The following MEGF8 variants were observed in gnomAD, a reference collection of about 807,000 sequenced individuals.
MEGF8 encodes multiple EGF like domains 8.
Under a neutral mutation model 302.9 loss-of-function variants are expected in MEGF8, and 156 were observed. That is an observed-to-expected ratio of 0.52 (90% CI 0.45 to 0.59). The LOEUF (loss-of-function observed/expected upper bound fraction) is 0.59, where lower values mean the gene tolerates loss of function less well. MEGF8 is among the 20% of genes least tolerant of loss of function. MEGF8 has a pLI of 0.00. For missense variants in MEGF8, 3,345 were observed against 3,964.5 expected (o/e 0.84, Z 4.20); for synonymous variants, 1,621 against 1,660.5 (o/e 0.98, Z 0.58).
chr19:42,326,147 A>G lies in MEGF8; in HGVS notation c.-97A>G, dbSNP rs2038980484. The stretch of plus-strand genomic sequence containing the variant: ...CGATCTACAAGGTCATGTTATGCCT[A>G]TAGAGGTCGCATTTGCAGGGCCTCA... On this transcript the variant is annotated 5_prime_UTR_variant, in exon 1 of 42. Coordinates refer to ENST00000251268, the MANE Select transcript of MEGF8 (RefSeq NM_001271938.2). 11 of 1,395,274 alleles carry G rather than the reference A, an allele frequency of 7.9e-6. No individual in the cohort carries two copies. Among genetic ancestry groups the G allele is most frequent in the Non-Finnish European group, 1.0e-5 (11 of 1,078,384 alleles). The allele number at this position is 1,395,274 out of a possible 1,614,324, so 86.4% of individuals were successfully genotyped here.
Position 42,336,710 on chromosome 19 carries a change from A to C in MEGF8, c.1245-97A>C. 6.7e-7 allele frequency: 1 copy of C among 1,486,656 alleles called. No individual in the cohort carries two copies. The highest frequency in any genetic ancestry group is 9.0e-7 in the Non-Finnish European group (1 of 1,111,606). 92.1% of individuals were successfully genotyped at this position (1,486,656 alleles called of 1,614,324 possible). A position where few individuals can be genotyped will look rare whatever the true frequency, so the allele number is the denominator to read the frequency against. On this transcript the variant is annotated intron_variant, in intron 6 of 41. Transcript: ENST00000251268. The surrounding 1 kb of genome is among the most constrained non-coding windows in gnomAD (Gnocchi z 4.8). ...AGGGGACATAGAGTCAGTCATGGCC[A>C]GTCTCATCCCTGGGTGATCACATGG... is the stretch of plus-strand genomic sequence containing the variant.
chr19:42,348,886 C>T (rs530567015), intron 13 of MEGF8, among the ~76,000 whole-genome samples: 3 of 152,348 alleles, frequency 2.0e-5, no homozygotes, highest in South Asian at 4.1e-4. Context: ...CAGGCGTAAG[C>T]CACTGCGCCT....
chr19:42,370,342 T>C lies in MEGF8; in HGVS notation c.6988T>C (p.Ser2330Pro), dbSNP rs1386766514. ...GTCCAAGGGAGAGCCAAAGAAGTAC[T>C]CACTGGACCCAGAGGAGGTGAAAGA... ...QMSKGEPKKYSLDPEEIENWV... is the reference protein window; with the variant it reads ...QMSKGEPKKYPLDPEEIENWV... Residue 2330 changes from serine to proline, a missense_variant, in exon 39 of 42, where the codon TCA becomes CCA. Coordinates refer to ENST00000251268, the MANE Select transcript of MEGF8 (RefSeq NM_001271938.2). 1 of 1,586,256 alleles carries C rather than the reference T, an allele frequency of 6.3e-7. No homozygotes were observed. The highest frequency in any genetic ancestry group is 1.8e-5 in the Admixed American group (1 of 54,568).
chr19:42,351,725 G>A lies in MEGF8; in HGVS notation c.3065G>A (p.Gly1022Asp). 1 of 1,589,938 alleles carries A rather than the reference G, an allele frequency of 6.3e-7. No homozygotes were observed. Among genetic ancestry groups the A allele is most frequent in the Non-Finnish European group, 8.6e-7 (1 of 1,168,962 alleles). The change falls in exon 18 of 42, where the codon GGC becomes GAC. Residue 1022 changes from glycine (G) to aspartate (D), a missense_variant. By Grantham distance (94) the Gly-to-Asp change is moderately conservative (BLOSUM62 -1). Coordinates refer to ENST00000251268, the MANE Select transcript of MEGF8 (RefSeq NM_001271938.2). The surrounding 1 kb of genome is among the most constrained non-coding windows in gnomAD (Gnocchi z 5.6). ...GAGTGTCTGCAGAGCCACGAGTGTGGCTGGTGTGGCAATGAGGACAACCCC... is the reference window on the plus strand; with the variant it reads ...GAGTGTCTGCAGAGCCACGAGTGTGACTGGTGTGGCAATGAGGACAACCCC... ...CHECLQSHEC[G>D]WCGNEDNPTL...
intron 1 of MEGF8, among the ~76,000 whole-genome samples, chr19:42,331,242 G>C (rs1384400903): frequency 2.0e-5 from 3 of 152,214 alleles, no homozygotes; most frequent in Admixed American, 2.0e-4. Context: ...GGCTCAGAGA[G>C]CCCATGGAAC....
Position 42,335,065 on chromosome 19 carries a change from T to C in MEGF8, c.589T>C (p.Phe197Leu). 6.2e-7 allele frequency: 1 copy of C among 1,613,672 alleles called. No individual in the cohort carries two copies. Among genetic ancestry groups the C allele is most frequent in the Non-Finnish European group, 8.5e-7 (1 of 1,179,780 alleles). Residue 197 changes from phenylalanine (F) to leucine (L), a missense_variant, in exon 4 of 42, where the codon TTC becomes CTC. Physicochemically the swap from Phe to Leu is conservative, Grantham distance 22. Transcript: ENST00000251268. ...PLGPCRCEPG[F>L]LGRACDLHLW... is the part of the protein sequence containing the mutation. ...GGGACCATGCCGCTGTGAGCCTGGC[T>C]TCTTGGGACGTGCCTGTGACCTGCA... is the stretch of plus-strand genomic sequence containing the variant.
Position 42,368,482 on chromosome 19 carries a change from C to G in MEGF8, c.6301C>G (p.Arg2101Gly), listed in dbSNP as rs2147506322. The change falls in exon 36 of 42, where the codon CGA becomes GGA. Residue 2101 changes from arginine (R) to glycine (G), a missense_variant. Physicochemically the swap from Arg to Gly is moderately radical, Grantham distance 125. Transcript: ENST00000251268. This position sits in a 1 kb window ranked among gnomAD's most constrained non-coding sequence, Gnocchi z 4.9. ...QCLSPSYLPL[R>G]CMAGGCGRLL... The stretch of plus-strand genomic sequence containing the variant: ...TCTGAGCCCTTCCTACCTGCCCCTG[C>G]GATGTATGGCCGGAGGCTGTGGGCG... 1 of 1,609,564 alleles carries G rather than the reference C, an allele frequency of 6.2e-7. No individual in the cohort carries two copies. The highest frequency in any genetic ancestry group is 8.5e-7 in the Non-Finnish European group (1 of 1,178,582).
Position 42,353,799 on chromosome 19 carries a change from G to A in MEGF8, c.3786G>A (p.Glu1262=), listed in dbSNP as rs1306625154. ...DPRAGGSCFR[E]CGGRALLTNV... ...GGGCCGGTGGTTCCTGCTTTCGGGA[G>A]TGTGGGGGTCGCGCCCTCCTCACCA... Residue 1262 remains glutamate (E), a synonymous_variant, in exon 22 of 42, where the codon GAG becomes GAA. Coordinates refer to ENST00000251268, the MANE Select transcript of MEGF8 (RefSeq NM_001271938.2). This position sits in a 1 kb window ranked among gnomAD's most constrained non-coding sequence, Gnocchi z 6.1. 5 of 1,606,050 alleles carry A rather than the reference G, an allele frequency of 3.1e-6. No homozygotes were observed. Among genetic ancestry groups the A allele is most frequent in the Non-Finnish European group, 4.3e-6 (5 of 1,174,372 alleles).
chr19:42,370,481 T>A (rs1251147059), intron 39 of MEGF8, 122 bp downstream of exon 39: 3 of 989,508 alleles, frequency 3.0e-6, no homozygotes, highest in Non-Finnish European at 2.9e-6. Context: ...GCTGGAGGCC[T>A]GGATTCCTGG....
Position 42,352,574 on chromosome 19 carries a change from C to A in MEGF8, c.3350+118C>A. On this transcript the variant is annotated intron_variant, in intron 19 of 41. Transcript: ENST00000251268. The surrounding 1 kb of genome is among the most constrained non-coding windows in gnomAD (Gnocchi z 4.4). ...CTGTGGAACCAGCATCCCCAGTTAG[C>A]CAGGGGTTTTTACCTTGCACACTAG... The A allele has an allele frequency of 1.5e-6, 2 of 1,343,628 alleles. No individual in the cohort carries two copies. Among genetic ancestry groups the A allele is most frequent in the Non-Finnish European group, 2.0e-6 (2 of 1,000,186 alleles). 83.2% of individuals were successfully genotyped at this position (1,343,628 alleles called of 1,614,324 possible).
In MEGF8 at chr19:42,359,125, G is replaced by T. The variant is rs370106282; in HGVS notation, c.5371G>T (p.Ala1791Ser). Residue 1791 changes from alanine to serine, a missense_variant, in exon 31 of 42, where the codon GCC (alanine) becomes TCC (serine). Transcript: ENST00000251268. ...CCGCCCCCGGCTTTTCCACGCCTCA[G>T]CCCTGTTAGGGGACACCATGGTGGT... ...EPRPRLFHAS[A>S]LLGDTMVVLG... 129 of 1,551,624 alleles carry T rather than the reference G, an allele frequency of 8.3e-5. No individual in the cohort carries two copies. Among genetic ancestry groups the T allele is most frequent in the Non-Finnish European group, 9.7e-5 (111 of 1,148,748 alleles).
chr19:42,348,447 C>G lies in MEGF8; in HGVS notation c.2273C>G (p.Ala758Gly). The change falls in exon 13 of 42, where the codon GCC (alanine) becomes GGC (glycine). Residue 758 changes from alanine to glycine, a missense_variant. Coordinates refer to ENST00000251268, the MANE Select transcript of MEGF8 (RefSeq NM_001271938.2). ...AQRLHVLARMARGPDTENMEE... is the reference protein window; with the variant it reads ...AQRLHVLARMGRGPDTENMEE... ...CGCCTACACGTCCTGGCCCGGATGG[C>G]CCGTGGCCCTGACACGGAGAACATG... The G allele has an allele frequency of 3.9e-6, 6 of 1,525,688 alleles. No individual in the cohort carries two copies. The highest frequency in any genetic ancestry group is 5.3e-6 in the Non-Finnish European group (6 of 1,138,464). 94.5% of individuals were successfully genotyped at this position (1,525,688 alleles called of 1,614,324 possible).
rs2039512293 is a variant in MEGF8, at chr19:42,360,294, C to G, written c.5489-481C>G. Among the ~76,000 whole-genome samples, 3 of 148,174 alleles carry G rather than the reference C, an allele frequency of 2.0e-5. No individual in the cohort carries two copies. The South Asian group carries it at 6.4e-4, about 32-fold the overall frequency. On this transcript the variant is annotated intron_variant, in intron 31 of 41. Transcript: ENST00000251268. ...TGTCTGCTTGTGTCTCTCTCCCTCT[C>G]TTTTTTTTTGCTTGCTGTCTATCCT...
rs2039318273 is a variant in MEGF8, at chr19:42,348,256, A to G, written c.2098-16A>G. On this transcript the variant is annotated splice_polypyrimidine_tract_variant and intron_variant, in intron 12 of 41. Coordinates refer to ENST00000251268, the MANE Select transcript of MEGF8 (RefSeq NM_001271938.2). Reference sequence around the variant, plus strand: ...CAGAAAGGGACTCACACATACACCCATCCCTGGTGGCACAGGTCTCAATTG... The same window carrying G: ...CAGAAAGGGACTCACACATACACCCGTCCCTGGTGGCACAGGTCTCAATTG... The G allele has an allele frequency of 7.8e-6, 12 of 1,533,422 alleles. No individual in the cohort carries two copies. Among genetic ancestry groups the G allele is most frequent in the Non-Finnish European group, 9.6e-6 (11 of 1,143,900 alleles). 95.0% of individuals were successfully genotyped at this position (1,533,422 alleles called of 1,614,324 possible).
Position 42,356,181 on chromosome 19 carries a change from C to T in MEGF8, c.4491C>T (p.Ser1497=), listed in dbSNP as rs1243521460. The T allele has an allele frequency of 6.5e-7, 1 of 1,536,166 alleles. No individual in the cohort carries two copies. Among genetic ancestry groups the T allele is most frequent in the Non-Finnish European group, 8.8e-7 (1 of 1,138,746 alleles). ...GQLVWETLMD[S]RLSADTASRF... is the part of the protein sequence containing the mutation. ...TGGTCTGGGAGACCCTCATGGACAG[C>T]CGCCTCTCAGCCGTGAGTTGTGGGT... is the stretch of plus-strand genomic sequence containing the variant. Residue 1497 remains serine, a synonymous_variant, in exon 25 of 42, where the codon AGC becomes AGT. Coordinates refer to ENST00000251268, the MANE Select transcript of MEGF8 (RefSeq NM_001271938.2). This position sits in a 1 kb window ranked among gnomAD's most constrained non-coding sequence, Gnocchi z 5.2.
In MEGF8 at chr19:42,358,341, G is replaced by A. The variant is rs758669538; in HGVS notation, c.5175+34G>A. 2.6e-6 allele frequency: 4 copies of A among 1,557,450 alleles called. No individual in the cohort carries two copies. The highest frequency in any genetic ancestry group is 1.4e-5 in the African/African-American group (1 of 72,422). ...AAGAGGCTCAGACCCAAGGATGTAT[G>A]GGGCAGGAGGGAGGGGTCCTCTTTC... is the stretch of plus-strand genomic sequence containing the variant. On this transcript the variant is annotated intron_variant, in intron 29 of 41. Coordinates refer to ENST00000251268, the MANE Select transcript of MEGF8 (RefSeq NM_001271938.2). This position sits in a 1 kb window ranked among gnomAD's most constrained non-coding sequence, Gnocchi z 4.4.
In MEGF8 at chr19:42,362,220, G is replaced by T; in HGVS notation, c.5844+7G>T. The stretch of plus-strand genomic sequence containing the variant: ...GCAACCTGGAGATGGAGAGGTGAGT[G>T]GTGGGGAAGGCAGGGATGAGAAGCA... On this transcript the variant is annotated splice_region_variant and intron_variant, in intron 33 of 41. Transcript: ENST00000251268. 6.2e-7 allele frequency: 1 copy of T among 1,610,376 alleles called. No individual in the cohort carries two copies. Among genetic ancestry groups the T allele is most frequent in the Non-Finnish European group, 8.5e-7 (1 of 1,179,294 alleles).
In MEGF8 at chr19:42,363,205, C is replaced by T. The variant is rs1214584917; in HGVS notation, c.6216C>T (p.Asp2072=). Residue 2072 remains aspartate (D), a synonymous_variant, in exon 35 of 42, where the codon GAC becomes GAT. Transcript: ENST00000251268. The part of the protein sequence containing the change: ...HLLPNCTSCL[D]SKGADGGWQH... ...TACCCAACTGTACCTCCTGCCTGGA[C>T]TCTAAGGGAGCAGATGGGGGCTGGC... 1 of 1,611,556 alleles carries T rather than the reference C, an allele frequency of 6.2e-7. No homozygotes were observed. Among genetic ancestry groups the T allele is most frequent in the Admixed American group, 1.7e-5 (1 of 59,642 alleles).
Position 42,376,401 on chromosome 19 carries a change from C to A in MEGF8, c.8164C>A (p.Pro2722Thr). Reference protein sequence around the residue: ...ASAWKPAGLPPPAFRRSEPFL... With the variant: ...ASAWKPAGLPTPAFRRSEPFL... ...CGCCTGGAAGCCGGCTGGGCTCCCA[C>A]CTCCCGCCTTCCGCCGCTCTGAGCC... The change falls in exon 42 of 42, where the codon CCT (proline) becomes ACT (threonine). Residue 2722 changes from proline to threonine, a missense_variant. Transcript: ENST00000251268. This position sits in a 1 kb window ranked among gnomAD's most constrained non-coding sequence, Gnocchi z 8.2. 2 of 1,612,866 alleles carry A rather than the reference C, an allele frequency of 1.2e-6. No individual in the cohort carries two copies. The highest frequency in any genetic ancestry group is 1.7e-6 in the Non-Finnish European group (2 of 1,179,732).
Sources: gnomAD v4.1 joint callset for allele counts (sites outside exome capture counted in the v4.1 genomes callset) on GRCh38, gnomAD v4.1.1 for gene constraint, Gnocchi (gnomAD v3.1) non-coding constraint, MANE v1.5 for transcripts, NCBI Gene and HGNC (gene_info 2026-07-23, HGNC 2026-07-21) for gene names.